The following SLC7A6 variants were observed in gnomAD, a reference collection of about 807,000 sequenced individuals.
SLC7A6 encodes solute carrier family 7 member 6, also known as Y+L amino acid transporter 2.
Under a neutral mutation model 46.6 loss-of-function variants are expected in SLC7A6, and 29 were observed. The observed-to-expected ratio is 0.62, with a 90% CI of 0.46 to 0.85. The LOEUF (loss-of-function observed/expected upper bound fraction) is 0.85. SLC7A6 is among the 40% of genes least tolerant of loss of function. The pLI is 0.00. For missense variants in SLC7A6, 527 were observed against 647.6 expected, an observed-to-expected ratio of 0.81 and a Z score of 2.02; for synonymous variants, 276 against 257.3, an observed-to-expected ratio of 1.07 and a Z score of -0.70.
intron 7 of SLC7A6, 139 bp downstream of exon 7, chr16:68,291,800 T>TGTGTGTGTGTGTGTGTGTGTGTGTG (rs2043058280): frequency 2.8e-6 from 2 of 706,408 alleles, no homozygotes; most frequent in East Asian, 2.6e-5. Flanking sequence ...TGTGTGTGTG[T>TGTGTGTGTGTGTGTGTGTGTGTGTG]TTGGTATGTG....
In SLC7A6 at chr16:68,275,019, A is replaced by T; in HGVS notation, c.293A>T (p.Tyr98Phe). 1 of 1,614,104 alleles carries T rather than the reference A, an allele frequency of 6.2e-7. No homozygotes were observed. The highest frequency in any genetic ancestry group is 8.5e-7 in the Non-Finnish European group (1 of 1,180,034). Reference sequence around the variant, plus strand: ...TTCTCTGTTGTGGGTGCCCTTTGTTATGCAGAGCTGGGGACCACCATCACC... The same window carrying T: ...TTCTCTGTTGTGGGTGCCCTTTGTTTTGCAGAGCTGGGGACCACCATCACC... The part of the protein sequence containing the change: ...GLFSVVGALC[Y>F]AELGTTITKS... Residue 98 changes from tyrosine to phenylalanine, a missense_variant, in exon 3 of 11, where the codon TAT (tyrosine) becomes TTT (phenylalanine). Physicochemically the swap from Tyr to Phe is conservative, Grantham distance 22. Coordinates refer to ENST00000219343, the MANE Select transcript of SLC7A6 (RefSeq NM_003983.6).
chr16:68,296,715 T>C lies in SLC7A6; in HGVS notation c.1358T>C (p.Ile453Thr), dbSNP rs573834361. Residue 453 changes from isoleucine to threonine, a missense_variant, in exon 10 of 11, where the codon ATT (isoleucine) becomes ACT (threonine). Coordinates refer to ENST00000219343, the MANE Select transcript of SLC7A6 (RefSeq NM_003983.6). ...TTCACTGACACCATTAATTCCCTCA[T>C]TGGCATCGGGATTGCCCTTTCTGGA... ...PLFTDTINSL[I>T]GIGIALSGVP... 5.6e-6 allele frequency: 9 copies of C among 1,614,216 alleles called. No individual in the cohort carries two copies. The highest frequency in any genetic ancestry group is 2.2e-5 in the East Asian group (1 of 44,890).
Position 68,275,176 on chromosome 16 carries a change from C to T in SLC7A6, c.450C>T (p.Tyr150=). The T allele has an allele frequency of 6.2e-7, 1 of 1,614,038 alleles. No individual in the cohort carries two copies. The highest frequency in any genetic ancestry group is 1.1e-5 in the South Asian group (1 of 91,074). Residue 150 remains tyrosine (Y), a synonymous_variant, in exon 3 of 11, where the codon TAC becomes TAT. Coordinates refer to ENST00000219343, the MANE Select transcript of SLC7A6 (RefSeq NM_003983.6). ...TCATCGCCATCACCTTTGCCAACTA[C>T]ATCATCCAGCCGTCCTTCCCCAGCT... The part of the protein sequence containing the change: ...QAIIAITFAN[Y]IIQPSFPSCD...
rs374822924 is a variant in SLC7A6 at position 68,269,731 on chromosome 16, G to A, written c.-37+3010G>A. Reference sequence around the variant, plus strand: ...ATTGTACCACTGCACTGCAGCCTGCGTGACAAAGCAAGACTCTGTCTCAAA... The same window carrying A: ...ATTGTACCACTGCACTGCAGCCTGCATGACAAAGCAAGACTCTGTCTCAAA... On this transcript the variant is annotated intron_variant, in intron 2 of 10. Coordinates refer to ENST00000219343, the MANE Select transcript of SLC7A6 (RefSeq NM_003983.6). 4.1e-5 allele frequency among the ~76,000 whole-genome samples: 6 copies of A among 146,524 alleles called. No individual in the cohort carries two copies. The South Asian group carries it at 8.8e-4, about 21-fold the overall frequency.
At position 68,287,749 on chromosome 16, in the gene SLC7A6, T is replaced by G; in HGVS notation, c.527T>G (p.Leu176Arg). 6.2e-7 allele frequency: 1 copy of G among 1,613,158 alleles called. No individual in the cohort carries two copies. Among genetic ancestry groups the G allele is most frequent in the Non-Finnish European group, 8.5e-7 (1 of 1,179,190 alleles). Reference sequence around the variant, plus strand: ...GACTTTGTGGTTTTCCTCCTAGGTCTGCTGACATTTGTGAACTGTGCCTAT... The same window carrying G: ...GACTTTGTGGTTTTCCTCCTAGGTCGGCTGACATTTGTGAACTGTGCCTAT... Reference protein sequence around the residue: ...CRLLAAACICLLTFVNCAYVK... With the variant: ...CRLLAAACICRLTFVNCAYVK... The change falls in exon 4 of 11, where the codon CTG (leucine) becomes CGG (arginine). Residue 176 changes from leucine to arginine, a missense_variant. Leu to Arg is a moderately radical substitution (Grantham distance 102). Transcript: ENST00000219343.
chr16:68,291,797 G>GTA, intron 7 of SLC7A6, 136 bp downstream of exon 7: 1 of 713,176 alleles, frequency 1.4e-6, no homozygotes, highest in East Asian at 2.6e-5. Context: ...GTGTGTGTGT[G>GTA]TGTTTGGTAT....
chr16:68,290,276 C>A, intron 4 of SLC7A6, 120 bp from the exon 5 acceptor site: 1 of 950,644 alleles, frequency 1.1e-6, no homozygotes. Context: ...TTTTTTTCAT[C>A]TTCCCTTCCT....
chr16:68,300,518 A>C lies in SLC7A6; in HGVS notation c.*3190A>C. On this transcript the variant is annotated 3_prime_UTR_variant, in exon 11 of 11. Coordinates refer to ENST00000219343, the MANE Select transcript of SLC7A6 (RefSeq NM_003983.6). ...ACTTTGTTTTTCCTCCCTTGCCTTA[A>C]GTCCTTGGTATTTATAATCAATGCT... The C allele has an allele frequency of 1.4e-6, 1 of 733,468 alleles. No homozygotes were observed. The allele number at this position is 733,468 out of a possible 1,614,324, so 45.4% of individuals were successfully genotyped here. A position where few individuals can be genotyped will look rare whatever the true frequency, so the allele number is the denominator to read the frequency against.
In SLC7A6 at chr16:68,275,068, T is replaced by C; in HGVS notation, c.342T>C (p.Tyr114=). 6.2e-7 allele frequency: 1 copy of C among 1,614,200 alleles called. No individual in the cohort carries two copies. The highest frequency in any genetic ancestry group is 8.5e-7 in the Non-Finnish European group (1 of 1,180,030). ...TITKSGASYA[Y]ILEAFGGFIA... ...CCAAGTCGGGAGCCAGCTACGCTTA[T>C]ATTCTAGAGGCCTTTGGGGGCTTCA... Residue 114 remains tyrosine, a synonymous_variant, in exon 3 of 11, where the codon TAT becomes TAC. Coordinates refer to ENST00000219343, the MANE Select transcript of SLC7A6 (RefSeq NM_003983.6).
At position 68,275,099 on chromosome 16, in the gene SLC7A6, T is replaced by G. The variant is rs1286042753; in HGVS notation, c.373T>G (p.Phe125Val). ...AGAGGCCTTTGGGGGCTTCATTGCC[T>G]TCATCCGCCTGTGGGTCTCACTGCT... ...ILEAFGGFIA[F>V]IRLWVSLLVV... The change falls in exon 3 of 11, where the codon TTC (phenylalanine) becomes GTC (valine). Residue 125 changes from phenylalanine to valine, a missense_variant. Coordinates refer to ENST00000219343, the MANE Select transcript of SLC7A6 (RefSeq NM_003983.6). 3 of 1,614,188 alleles carry G rather than the reference T, an allele frequency of 1.9e-6. No homozygotes were observed. Among genetic ancestry groups the G allele is most frequent in the Non-Finnish European group, 2.5e-6 (3 of 1,180,038 alleles).
chr16:68,272,731 C>A (rs767646611), intron 2 of SLC7A6, among the ~76,000 whole-genome samples: 20 of 152,198 alleles, frequency 1.3e-4, no homozygotes, highest in Non-Finnish European at 2.9e-5. Flanking sequence ...CTAGTAAGCT[C>A]AATCCCTCCT....
At chr16:68,276,782 G>C (rs1484307051) in intron 3 of SLC7A6, among the ~76,000 whole-genome samples, 1 of 152,138 alleles carries the variant, frequency 6.6e-6, no homozygotes, top group Non-Finnish European at 1.5e-5. Flanking sequence ...AGGATTGCTT[G>C]AGCTCAGGAA....
chr16:68,284,906 G>C (rs1053096939), intron 3 of SLC7A6, among the ~76,000 whole-genome samples: 1 of 112,042 alleles, frequency 8.9e-6, no homozygotes, highest in Non-Finnish European at 1.6e-5. Flanking sequence ...TGTTGCCCTG[G>C]CTGGAGTGCA....
intron 2 of SLC7A6, among the ~76,000 whole-genome samples, chr16:68,268,364 C>A (rs1196791290): frequency 6.6e-6 from 1 of 152,098 alleles, no homozygotes. Flanking sequence ...AGTGGGGAAC[C>A]CTCCCCCTCC....
chr16:68,274,980 C>T lies in SLC7A6; in HGVS notation c.254C>T (p.Ala85Val). 1.9e-6 allele frequency: 3 copies of T among 1,614,176 alleles called. No homozygotes were observed. The highest frequency in any genetic ancestry group is 2.5e-6 in the Non-Finnish European group (3 of 1,180,038). ...ASYGMSLIVW[A>V]IGGLFSVVGA... The stretch of plus-strand genomic sequence containing the variant: ...TATGGGATGTCACTGATTGTGTGGG[C>T]CATTGGTGGGCTCTTCTCTGTTGTG... Residue 85 changes from alanine (A) to valine (V), a missense_variant, in exon 3 of 11, where the codon GCC becomes GTC. Physicochemically the swap from Ala to Val is moderately conservative, Grantham distance 64. Coordinates refer to ENST00000219343, the MANE Select transcript of SLC7A6 (RefSeq NM_003983.6).
chr16:68,290,701 T>A (rs1199655032), intron 5 of SLC7A6, 161 bp downstream of exon 5: 6 of 846,284 alleles, frequency 7.1e-6, no homozygotes, highest in Non-Finnish European at 9.1e-6. Context: ...AGAATGGGAG[T>A]GAGTGAAGGT....
At chr16:68,267,844 G>T (rs759668106) in intron 2 of SLC7A6, among the ~76,000 whole-genome samples, 22 of 152,290 alleles carry the variant, frequency 1.4e-4, no homozygotes, top group Non-Finnish European at 2.8e-4. Flanking sequence ...GAAAGGAGGA[G>T]GGTGAGGTTA....
chr16:68,277,320 A>ATTTATTTATTTAT (rs1372007881), intron 3 of SLC7A6, among the ~76,000 whole-genome samples: 5 of 145,764 alleles, frequency 3.4e-5, no homozygotes, highest in Non-Finnish European at 6.0e-5. Flanking sequence ...GAGTACTTTT[A>ATTTATTTATTTAT]TTTATTTATT....
intron 3 of SLC7A6, among the ~76,000 whole-genome samples, chr16:68,276,043 C>T (rs932671465): frequency 6.6e-6 from 1 of 152,162 alleles, no homozygotes; most frequent in Non-Finnish European, 1.5e-5. Flanking sequence ...GGGAGTCCTA[C>T]GGTGTTAAAC....
Sources: allele counts gnomAD v4.1 joint callset (sites outside exome capture counted in the v4.1 genomes callset), GRCh38; gene constraint gnomAD v4.1.1; transcripts MANE v1.5; gene names NCBI Gene and HGNC (gene_info 2026-07-23, HGNC 2026-07-21).